Variants in FBRS observed in about 807,000 individuals in gnomAD.
The protein encoded by FBRS is probable fibrosin-1.
FBRS carries 15 observed loss-of-function variants against 86.1 expected under a neutral mutation model. That is an observed-to-expected ratio of 0.17 (90% confidence interval 0.12 to 0.27). The LOEUF is 0.27. Ranked by LOEUF, FBRS falls within the 10% of genes least tolerant of loss-of-function variation. FBRS has a pLI of 1.00. For missense variants in FBRS, 1,367 were observed against 1,301.6 expected (o/e 1.05, Z -0.77); for synonymous variants, 666 against 575.8 (o/e 1.16, Z -2.24).
Position 30,659,933 on chromosome 16 carries a change from G to T in FBRS, c.415G>T (p.Asp139Tyr). 1 of 1,551,404 alleles carries T rather than the reference G, an allele frequency of 6.4e-7. No homozygotes were observed. Among genetic ancestry groups the T allele is most frequent in the Non-Finnish European group, 8.7e-7 (1 of 1,147,752 alleles). The change falls in exon 1 of 18, where the codon GAT (aspartate) becomes TAT (tyrosine). Residue 139 changes from aspartate (D) to tyrosine (Y), a missense_variant. Asp to Tyr is a radical substitution (Grantham distance 160, BLOSUM62 -3). Around this residue, in one of 3 missense-constraint regions of FBRS, gnomAD observed 702 missense variants for 598.7 expected, o/e 1.17. Transcript: ENST00000356166. ...GGAAGAGGAGGAGGAGGACTTGATC[G>T]ATGGCTTCGCCATCGCCAGCTTCGC... ...EEEEEEEDLI[D>Y]GFAIASFATL...
At position 30,665,089 on chromosome 16, in the gene FBRS, T is replaced by C. The variant is rs779845397; in HGVS notation, c.1608+10T>C. 3 of 1,612,256 alleles carry C rather than the reference T, an allele frequency of 1.9e-6. No homozygotes were observed. The highest frequency in any genetic ancestry group is 1.3e-5 in the African/African-American group (1 of 74,900). On this transcript the variant is annotated intron_variant, in intron 9 of 17. Transcript: ENST00000356166. This position sits in a 1 kb window ranked among gnomAD's most constrained non-coding sequence, Gnocchi z 4.1. ...CCTTTTCCGACATAATGTGAGTGTG[T>C]GTGTGCGTGTGCGTATGGGGTGTGT...
intron 4 of FBRS, chr16:30,662,171 T>A: frequency 1.8e-6 from 1 of 542,474 alleles, no homozygotes; most frequent in Non-Finnish European, 3.2e-6. Context: ...TGCCTGCTTC[T>A]CTGCTGCTTC....
At chr16:30,661,128 C>T in intron 2 of FBRS, 52 bp from the exon 3 acceptor site, 1 of 1,549,492 alleles carries the variant, frequency 6.5e-7, no homozygotes, top group African/African-American at 1.4e-5. Context: ...TGCGACTTTC[C>T]CAGCTGCCTC....
intron 12 of FBRS, 82 bp from the exon 13 acceptor site, chr16:30,666,837 G>A: frequency 6.8e-7 from 1 of 1,461,878 alleles, no homozygotes. Flanking sequence ...GGCGAGGCTG[G>A]GCCCAGAGCC....
In FBRS at chr16:30,659,770, C is replaced by T. The variant is rs940162226; in HGVS notation, c.252C>T (p.Pro84=). The change falls in exon 1 of 18, where the codon CCC becomes CCT. Residue 84 remains proline, a synonymous_variant. Transcript: ENST00000356166. ...CTGGGGGCCCGAGACGCCGGCGGCC[C>T]CGTCCGAGACCTCGACCCCCGCGAC... ...ERPGGPRRRR[P]RPRPRPPRPR... is the part of the protein sequence containing the mutation. 11 of 1,456,926 alleles carry T rather than the reference C, an allele frequency of 7.6e-6. No individual in the cohort carries two copies. Among genetic ancestry groups the T allele is most frequent in the Non-Finnish European group, 8.2e-6 (9 of 1,100,212 alleles). 90.2% of individuals were successfully genotyped at this position (1,456,926 alleles called of 1,614,324 possible). A position where few individuals can be genotyped will look rare whatever the true frequency, so the allele number is the denominator to read the frequency against.
At position 30,659,893 on chromosome 16, in the gene FBRS, G is replaced by A; in HGVS notation, c.375G>A (p.Glu125=). ...EGGADDGEAE[E]EPEEEEEEEE... ...GCGCAGACGACGGCGAAGCCGAGGA[G>A]GAGCCTGAGGAGGAGGAAGAGGAGG... The change falls in exon 1 of 18, where the codon GAG becomes GAA. Residue 125 remains glutamate, a synonymous_variant. Transcript: ENST00000356166. The A allele has an allele frequency of 6.5e-7, 1 of 1,549,908 alleles. No individual in the cohort carries two copies. Among genetic ancestry groups the A allele is most frequent in the Non-Finnish European group, 8.7e-7 (1 of 1,147,482 alleles).
chr16:30,662,948 TG>T, intron 6 of FBRS, 89 bp downstream of exon 6: 1 of 1,327,168 alleles, frequency 7.5e-7, no homozygotes, highest in Non-Finnish European at 9.7e-7. Flanking sequence ...GGGTATGACT[TG>T]AAAAAGGATT....
chr16:30,666,355 A>G (rs1052643335), intron 11 of FBRS, 157 bp from the exon 12 acceptor site: 2 of 835,220 alleles, frequency 2.4e-6, no homozygotes, highest in Non-Finnish European at 3.8e-6. Flanking sequence ...CTAGACTGGG[A>G]GAGATGGGGA....
In FBRS at chr16:30,666,490, A is replaced by T. The variant is rs532260505; in HGVS notation, c.1774-22A>T. ...AGGACTCGGGTCTGAGTCGCCTCCC[A>T]TCTCTCCTTTGCCATCCCCAGATCC... On this transcript the variant is annotated intron_variant, in intron 11 of 17. Coordinates refer to ENST00000356166, the MANE Select transcript of FBRS (RefSeq NM_001105079.3). The T allele has an allele frequency of 3.1e-6, 5 of 1,613,938 alleles. No individual in the cohort carries two copies. In the East Asian group the frequency reaches 1.1e-4, roughly 36 times the overall value.
At position 30,665,051 on chromosome 16, in the gene FBRS, G is replaced by A. The variant is rs1470363539; in HGVS notation, c.1580G>A (p.Gly527Glu). 6.2e-7 allele frequency: 1 copy of A among 1,613,722 alleles called. No individual in the cohort carries two copies. The highest frequency in any genetic ancestry group is 1.1e-5 in the South Asian group (1 of 91,042). Reference sequence around the variant, plus strand: ...CTTCCCTAGTTTGAGAAATATCCAGGAAAGATGGAAGGCCTTTTCCGACAT... The same window carrying A: ...CTTCCCTAGTTTGAGAAATATCCAGAAAAGATGGAAGGCCTTTTCCGACAT... The part of the protein sequence containing the change: ...HGPHMFEKYP[G>E]KMEGLFRHNP... Residue 527 changes from glycine to glutamate, a missense_variant, in exon 9 of 18, where the codon GGA (glycine) becomes GAA (glutamate). Around this residue, in one of 3 missense-constraint regions of FBRS, gnomAD observed 659 missense variants for 678.8 expected, o/e 0.97. Transcript: ENST00000356166. The surrounding 1 kb of genome is among the most constrained non-coding windows in gnomAD (Gnocchi z 4.1).
At position 30,659,889 on chromosome 16, in the gene FBRS, A is replaced by G. The variant is rs951667158; in HGVS notation, c.371A>G (p.Glu124Gly). The G allele has an allele frequency of 6.5e-7, 1 of 1,548,726 alleles. No homozygotes were observed. The change falls in exon 1 of 18, where the codon GAG becomes GGG. Residue 124 changes from glutamate to glycine, a missense_variant. By Grantham distance (98) the Glu-to-Gly change is moderately conservative. Coordinates refer to ENST00000356166, the MANE Select transcript of FBRS (RefSeq NM_001105079.3). ...GGGGGCGCAGACGACGGCGAAGCCG[A>G]GGAGGAGCCTGAGGAGGAGGAAGAG... ...EEGGADDGEA[E>G]EEPEEEEEEE...
intron 14 of FBRS, 23 bp downstream of exon 14, chr16:30,667,460 G>A (rs1432579284): frequency 1.3e-6 from 2 of 1,524,158 alleles, no homozygotes; most frequent in Admixed American, 4.2e-5. Flanking sequence ...AGCCCCCTCG[G>A]GCCTGAGGTT....
At position 30,667,332 on chromosome 16, in the gene FBRS, A is replaced by C; in HGVS notation, c.1888A>C (p.Lys630Gln). Residue 630 changes from lysine to glutamine, a missense_variant, in exon 14 of 18, where the codon AAG becomes CAG. Coordinates refer to ENST00000356166, the MANE Select transcript of FBRS (RefSeq NM_001105079.3). ...HQEKMKGDSHKLDFRNDLLPC... is the reference protein window; with the variant it reads ...HQEKMKGDSHQLDFRNDLLPC... ...GTGTCCCACACAGGGTGACTCCCAC[A>C]AGCTTGACTTTCGGAATGACCTCCT... 1 of 1,552,906 alleles carries C rather than the reference A, an allele frequency of 6.4e-7. No homozygotes were observed. Among genetic ancestry groups the C allele is most frequent in the Non-Finnish European group, 8.7e-7 (1 of 1,147,704 alleles).
chr16:30,660,096 G>C (rs951780755), intron 1 of FBRS, 119 bp downstream of exon 1: 2 of 1,447,448 alleles, frequency 1.4e-6, no homozygotes, highest in Admixed American at 2.7e-5. Flanking sequence ...AGAGCAACCG[G>C]CTCCTCTGGC....
Position 30,664,289 on chromosome 16 carries a change from C to T in FBRS, c.1130C>T (p.Ser377Phe), listed in dbSNP as rs2052494368. 1.3e-6 allele frequency: 2 copies of T among 1,520,286 alleles called. No homozygotes were observed. The highest frequency in any genetic ancestry group is 1.8e-6 in the Non-Finnish European group (2 of 1,128,314). The allele number at this position is 1,520,286 out of a possible 1,614,324, so 94.2% of individuals were successfully genotyped here. A position where few individuals can be genotyped will look rare whatever the true frequency, so the allele number is the denominator to read the frequency against. ...CCCCCCTCATCATCCTCTTCGTCCT[C>T]CTCCTCCTCATCTGCCTCCTCCTCG... ...QPPPSSSSSS[S>F]SSSSASSSSA... Residue 377 changes from serine (S) to phenylalanine (F), a missense_variant, in exon 7 of 18, where the codon TCC (serine) becomes TTC (phenylalanine). Coordinates refer to ENST00000356166, the MANE Select transcript of FBRS (RefSeq NM_001105079.3).
In FBRS at chr16:30,669,695, C is replaced by T. The variant is rs1373924395; in HGVS notation, c.*50C>T. 18 of 1,529,504 alleles carry T rather than the reference C, an allele frequency of 1.2e-5. No homozygotes were observed. In the African/African-American group the frequency reaches 2.4e-4, roughly 20 times the overall value. 94.7% of individuals were successfully genotyped at this position (1,529,504 alleles called of 1,614,324 possible). ...AAGCTCCATCTCCCCTTCCTTTAAC[C>T]AGGTCCTAGGGCTGAGGTTTTAAGC... On this transcript the variant is annotated 3_prime_UTR_variant, in exon 18 of 18. Transcript: ENST00000356166. This position sits in a 1 kb window ranked among gnomAD's most constrained non-coding sequence, Gnocchi z 5.9.
Position 30,659,642 on chromosome 16 carries a change from G to T in FBRS, c.124G>T (p.Asp42Tyr). The change falls in exon 1 of 18, where the codon GAC becomes TAC. Residue 42 changes from aspartate (D) to tyrosine (Y), a missense_variant. Physicochemically the swap from Asp to Tyr is radical, Grantham distance 160 (BLOSUM62 -3). Transcript: ENST00000356166. Reference sequence around the variant, plus strand: ...GCGGCGCCGCCGAGGTCCAGGCGGCGACGCGCCCCGGGCCCTGTTGGCCGC... The same window carrying T: ...GCGGCGCCGCCGAGGTCCAGGCGGCTACGCGCCCCGGGCCCTGTTGGCCGC... ...EQRRRRGPGG[D>Y]APRALLAAPR... 2.2e-6 allele frequency: 1 copy of T among 449,090 alleles called. No homozygotes were observed. The highest frequency in any genetic ancestry group is 5.4e-5 in the South Asian group (1 of 18,536). The allele number at this position is 449,090 out of a possible 1,614,324, so 27.8% of individuals were successfully genotyped here. A position where few individuals can be genotyped will look rare whatever the true frequency, so the allele number is the denominator to read the frequency against.
Position 30,669,430 on chromosome 16 carries a change from G to A in FBRS, c.2728G>A (p.Val910Met), listed in dbSNP as rs748536879. 125 of 1,612,820 alleles carry A rather than the reference G, an allele frequency of 7.8e-5. No individual in the cohort carries two copies. Among genetic ancestry groups the A allele is most frequent in the East Asian group, 5.8e-4 (26 of 44,874 alleles). ...TGAGGAGCTAACTGGACCCGGGGCC[G>A]TGGCCGCTGCCCGCCTCTACGGTCT... ...AGEELTGPGA[V>M]AAARLYGLEP... is the part of the protein sequence containing the mutation. The change falls in exon 18 of 18, where the codon GTG (valine) becomes ATG (methionine). Residue 910 changes from valine to methionine, a missense_variant. Val to Met is a conservative substitution (Grantham distance 21, BLOSUM62 1). Transcript: ENST00000356166. The surrounding 1 kb of genome is among the most constrained non-coding windows in gnomAD (Gnocchi z 5.9).
rs1289402014 is a variant in FBRS, at chr16:30,659,674, C to G, written c.156C>G (p.Arg52=). The stretch of plus-strand genomic sequence containing the variant: ...CCCGGGCCCTGTTGGCCGCCCCGCG[C>G]GGCTCCTCGTCCTCGTCGTCGCCGC... ...DAPRALLAAP[R]GSSSSSSPPP... Residue 52 remains arginine (R), a synonymous_variant, in exon 1 of 18, where the codon CGC becomes CGG. Transcript: ENST00000356166. The G allele has an allele frequency of 4.4e-6, 3 of 689,186 alleles. No individual in the cohort carries two copies. The highest frequency in any genetic ancestry group is 6.9e-6 in the Non-Finnish European group (3 of 435,178). The allele number at this position is 689,186 out of a possible 1,614,324, so 42.7% of individuals were successfully genotyped here. A position where few individuals can be genotyped will look rare whatever the true frequency, so the allele number is the denominator to read the frequency against.
Sources: gnomAD v4.1 joint callset for allele counts on GRCh38, gnomAD v4.1.1 for gene constraint, gnomAD v4.1.1 regional missense constraint, Gnocchi (gnomAD v3.1) non-coding constraint, MANE v1.5 for transcripts, NCBI Gene and HGNC (gene_info 2026-07-23, HGNC 2026-07-21) for gene names.